Variants in COL4A5 observed in about 807,000 individuals in gnomAD.
COL4A5 encodes collagen alpha-5(IV) chain.
COL4A5 carries 26 observed loss-of-function variants against 130.2 expected under a neutral mutation model. The observed-to-expected ratio is 0.20, with a 90% CI of 0.15 to 0.28. The LOEUF is 0.28. Among genes scored for constraint, COL4A5 ranks in the 10% least tolerant of loss-of-function variants. The pLI is 1.00. For missense variants in COL4A5, 1,131 were observed against 1,344.3 expected (o/e 0.84, Z 2.48); for synonymous variants, 496 against 439.6 (o/e 1.13, Z -1.60).
intron 29 of COL4A5, among the ~76,000 whole-genome samples, chrX:108,608,188 G>C (rs189339884): frequency 8.9e-6 from 1 of 111,806 alleles, no homozygotes; most frequent in African/African-American, 3.2e-5. Context: ...GTATGAGTGT[G>C]TTTCCCCACA....
rs1277844745 is a variant in COL4A5 at position 108,581,047 on chromosome X, TC to T, written c.936+25del. Reference sequence around the variant, plus strand: ...ATTCCTGTAAGTAGCTAAGGTTCTTTCCCCCTGCAAAACTGGAGACATTTAT... The same window carrying T: ...ATTCCTGTAAGTAGCTAAGGTTCTTTCCCCTGCAAAACTGGAGACATTTAT... On this transcript the variant is annotated intron_variant, in intron 16 of 52. Coordinates refer to ENST00000328300, the MANE Select transcript of COL4A5 (RefSeq NM_033380.3). 3.4e-6 allele frequency: 4 copies of T among 1,190,294 alleles called. No individual in the cohort carries two copies. The highest frequency in any genetic ancestry group is 1.8e-5 in the South Asian group (1 of 56,357).
chrX:108,582,928 T>A lies in COL4A5; in HGVS notation c.981T>A (p.Asp327Glu), dbSNP rs1165228239. Residue 327 changes from aspartate to glutamate, a missense_variant, in exon 17 of 53, where the codon GAT becomes GAA. Transcript: ENST00000328300. Reference sequence around the variant, plus strand: ...GTTACCCTGGTGAACCCGGAAGGGATGGTGAAAAGGTAAGAATTTTAATAC... The same window carrying A: ...GTTACCCTGGTGAACCCGGAAGGGAAGGTGAAAAGGTAAGAATTTTAATAC... ...DPGYPGEPGRDGEKGQKGDTG... is the reference protein window; with the variant it reads ...DPGYPGEPGREGEKGQKGDTG... 3 of 1,201,317 alleles carry A rather than the reference T, an allele frequency of 2.5e-6. No individual in the cohort carries two copies. The highest frequency in any genetic ancestry group is 3.0e-5 in the East Asian group (1 of 33,782).
Position 108,616,273 on chromosome X carries a change from C to G in COL4A5, c.2509+1249C>G, listed in dbSNP as rs765654614. 4.6e-5 allele frequency among the ~76,000 whole-genome samples: 5 copies of G among 109,839 alleles called. No individual in the cohort carries two copies. In the South Asian group the frequency reaches 2.0e-3, roughly 44 times the overall value. On this transcript the variant is annotated intron_variant, in intron 30 of 52. Coordinates refer to ENST00000328300, the MANE Select transcript of COL4A5 (RefSeq NM_033380.3). ...TGTTTTGTTTTGAGACAGAGTTTCA[C>G]TCTTGTTGCCCAGGCTGGAGTGCAA...
chrX:108,604,332 G>A (rs2066693335), intron 28 of COL4A5, among the ~76,000 whole-genome samples: 1 of 112,383 alleles, frequency 8.9e-6, no homozygotes, highest in Admixed American at 9.4e-5. Context: ...TGGGTATTGT[G>A]TTAGCAGCCA....
chrX:108,665,453 C>T (rs1237487056), intron 37 of COL4A5, 54 bp from the exon 38 acceptor site: 7 of 853,647 alleles, frequency 8.2e-6, no homozygotes, highest in Non-Finnish European at 1.2e-5. Context: ...TGAATTGTAG[C>T]TCTTAAAGCA....
chrX:108,519,158 G>T (rs1405923397), intron 1 of COL4A5, among the ~76,000 whole-genome samples: 2 of 110,979 alleles, frequency 1.8e-5, no homozygotes, highest in Non-Finnish European at 3.8e-5. Flanking sequence ...CAATAAGGGG[G>T]TATAACAAAG....
chrX:108,603,619 A>G (rs964707138), intron 28 of COL4A5, among the ~76,000 whole-genome samples: 1 of 111,918 alleles, frequency 8.9e-6, no homozygotes, highest in Non-Finnish European at 1.9e-5. Context: ...ATGGCTGCCC[A>G]CTGATCAGGG....
intron 36 of COL4A5, among the ~76,000 whole-genome samples, chrX:108,638,653 G>T (rs1473754468): frequency 8.9e-6 from 1 of 111,885 alleles, no homozygotes; most frequent in Non-Finnish European, 1.9e-5. Flanking sequence ...ATGATATAAT[G>T]CTATGTAGAA....
chrX:108,661,661 G>C, intron 37 of COL4A5, among the ~76,000 whole-genome samples: 1 of 111,306 alleles, frequency 9.0e-6, no homozygotes, highest in East Asian at 2.8e-4. Flanking sequence ...TATACTAAAT[G>C]ATATGGATAG....
chrX:108,613,117 C>T (rs759001389), intron 29 of COL4A5, among the ~76,000 whole-genome samples: 92 of 112,095 alleles, frequency 8.2e-4, no homozygotes, highest in Non-Finnish European at 1.2e-3. Flanking sequence ...TCCTACCTTG[C>T]ACAAAATTTA....
At chrX:108,658,077 A>G (rs1372099367) in intron 37 of COL4A5, among the ~76,000 whole-genome samples, 3 of 110,917 alleles carry the variant, frequency 2.7e-5, no homozygotes, top group Non-Finnish European at 5.7e-5. Flanking sequence ...ATTAAATGTA[A>G]TGTTAGTGCC....
rs187643259 is a variant in COL4A5 at position 108,498,526 on chromosome X, A to G, written c.82-41220A>G. On this transcript the variant is annotated intron_variant, in intron 1 of 52. Transcript: ENST00000328300. ...TATAATCACTTTGTCAATTTTTACA[A>G]CAATATCTCTGATGATTTTGATGGG... Among the ~76,000 whole-genome samples the G allele has an allele frequency of 1.0e-3, 113 of 111,684 alleles. 4 individuals carry two copies. In the East Asian group the frequency reaches 0.03, roughly 30 times the overall value.
intron 1 of COL4A5, among the ~76,000 whole-genome samples, chrX:108,506,539 A>C (rs1184591790): frequency 9.0e-6 from 1 of 111,261 alleles, no homozygotes; most frequent in African/African-American, 3.3e-5. Context: ...TTGGATTCTC[A>C]TAAGGAGAGT....
chrX:108,639,959 A>G (rs1314032136), intron 36 of COL4A5, among the ~76,000 whole-genome samples: 2 of 112,419 alleles, frequency 1.8e-5, no homozygotes, highest in South Asian at 3.6e-4. Flanking sequence ...TTGTGCAGCC[A>G]CTATGGAAAA....
At chrX:108,509,841 A>G (rs1236122113) in intron 1 of COL4A5, among the ~76,000 whole-genome samples, 1 of 112,268 alleles carries the variant, frequency 8.9e-6, no homozygotes. Flanking sequence ...TTCTGCCATA[A>G]AGAAACATGC....
intron 36 of COL4A5, among the ~76,000 whole-genome samples, chrX:108,647,910 C>A (rs2067635559): frequency 9.0e-6 from 1 of 111,641 alleles, no homozygotes; most frequent in South Asian, 3.8e-4. Context: ...TTGAACCAGC[C>A]TTGCATCCCA....
chrX:108,514,535 AGAAAGAAGTTAGAACAGAGTG>A (rs1185671078), intron 1 of COL4A5, among the ~76,000 whole-genome samples: 1 of 112,160 alleles, frequency 8.9e-6, no homozygotes, highest in Non-Finnish European at 1.9e-5. Context: ...AATAAAAGCA[AGAAAGAAGTTAGAACAGAGTG>A]GAAAGAAGTT....
In COL4A5 at chrX:108,453,718, A is replaced by G. The variant is rs1005113662; in HGVS notation, c.81+13512A>G. 2.7e-5 allele frequency among the ~76,000 whole-genome samples: 3 copies of G among 111,680 alleles called. No homozygotes were observed. In the Admixed American group the frequency reaches 2.9e-4, roughly 11 times the overall value. ...AAGTGATTAATGAAAGATGATAACT[A>G]GTTATTTAGTTGCAGAGGCAGAGAT... On this transcript the variant is annotated intron_variant, in intron 1 of 52. Coordinates refer to ENST00000328300, the MANE Select transcript of COL4A5 (RefSeq NM_033380.3).
intron 1 of COL4A5, among the ~76,000 whole-genome samples, chrX:108,486,749 C>A (rs2064948920): frequency 8.9e-6 from 1 of 112,104 alleles, no homozygotes; most frequent in South Asian, 3.7e-4. Flanking sequence ...GCCATTATTT[C>A]ATTCCTTTTT....
Sources: gnomAD v4.1 joint callset for allele counts (sites outside exome capture counted in the v4.1 genomes callset) on GRCh38, gnomAD v4.1.1 for gene constraint, MANE v1.5 for transcripts, NCBI Gene and HGNC (gene_info 2026-07-23, HGNC 2026-07-21) for gene names.